Variants in EMID1 observed in about 807,000 individuals in gnomAD.
EMID1 encodes the protein EMI domain containing 1, also known as EMI domain-containing protein 1.
EMID1 carries 40 observed loss-of-function variants against 60.6 expected under a neutral mutation model. That is an observed-to-expected ratio of 0.66 (90% CI 0.51 to 0.86). The LOEUF (loss-of-function observed/expected upper bound fraction) is 0.86, where lower values mean the gene tolerates loss of function less well. EMID1 is among the 40% of genes least tolerant of loss of function. The pLI is 0.00. For synonymous variants in EMID1, 242 were observed against 231.0 expected (o/e 1.05, Z -0.43); for missense variants, 585 against 597.1 (o/e 0.98, Z 0.21).
intron 12 of EMID1, among the ~76,000 whole-genome samples, chr22:29,241,762 GAAAA>G (rs962475330): frequency 5.7e-5 from 8 of 140,546 alleles, no homozygotes; most frequent in Non-Finnish European, 1.2e-4. Flanking sequence ...AATCAAATTT[GAAAA>G]AAAAAAAGGT....
In EMID1 at chr22:29,235,137, C is replaced by T. The variant is rs563590719; in HGVS notation, c.1074+788C>T. On this transcript the variant is annotated intron_variant, in intron 12 of 14. Coordinates refer to ENST00000334018, the MANE Select transcript of EMID1 (RefSeq NM_133455.4). Reference sequence around the variant, plus strand: ...CTGAGACGGGTGGATCACCTGAGGTCAGAAGTTCAAGACCAGCCTGGTCAA... The same window carrying T: ...CTGAGACGGGTGGATCACCTGAGGTTAGAAGTTCAAGACCAGCCTGGTCAA... 4.6e-5 allele frequency among the ~76,000 whole-genome samples: 7 copies of T among 152,202 alleles called. No homozygotes were observed. The East Asian group carries it at 9.7e-4, about 21-fold the overall frequency.
chr22:29,233,624 G>A lies in EMID1; in HGVS notation c.924G>A (p.Gly308=). 6.2e-7 allele frequency: 1 copy of A among 1,613,842 alleles called. No homozygotes were observed. ...PGPPGPMGPP[G]PPGPTGVPGS... The stretch of plus-strand genomic sequence containing the variant: ...CCTGTCTTTTTCCAGGTCCCCCTGG[G>A]CCTCCTGGCCCCACAGGTGTCCCTG... The change falls in exon 10 of 15, where the codon GGG becomes GGA. Residue 308 remains glycine (G), a synonymous_variant. Transcript: ENST00000334018.
chr22:29,217,107 C>T (rs1309994551), intron 3 of EMID1, among the ~76,000 whole-genome samples: 4 of 152,146 alleles, frequency 2.6e-5, no homozygotes, highest in East Asian at 1.9e-4. Context: ...GCATGGGGGC[C>T]GCCTGGGCCC....
At chr22:29,223,685 T>G (rs2040389639) in intron 3 of EMID1, among the ~76,000 whole-genome samples, 1 of 152,186 alleles carries the variant, frequency 6.6e-6, no homozygotes, top group South Asian at 2.1e-4. Flanking sequence ...AGCGGGGAAG[T>G]GGAGCTGAGC....
rs192746529 is a variant in EMID1 at position 29,258,187 on chromosome 22, C to G, written c.1205-630C>G. ...ATTCTTCTGACCTGCCTGGCCTGCT[C>G]ATTTTACTTTGGGAAGGGCTGAGAT... On this transcript the variant is annotated intron_variant, in intron 14 of 14. Coordinates refer to ENST00000334018, the MANE Select transcript of EMID1 (RefSeq NM_133455.4). 4.6e-5 allele frequency among the ~76,000 whole-genome samples: 7 copies of G among 152,314 alleles called. No homozygotes were observed. In the East Asian group the frequency reaches 1.3e-3, roughly 29 times the overall value.
chr22:29,219,574 G>T (rs1181623566), intron 3 of EMID1, among the ~76,000 whole-genome samples: 2 of 151,990 alleles, frequency 1.3e-5, no homozygotes, highest in African/African-American at 4.8e-5. Flanking sequence ...GAGGCCAGAA[G>T]TTCAAGCCTA....
In EMID1 at chr22:29,233,362, C is replaced by G. The variant is rs1237265011; in HGVS notation, c.824-17C>G. The G allele has an allele frequency of 1.2e-6, 2 of 1,613,752 alleles. No homozygotes were observed. The highest frequency in any genetic ancestry group is 3.3e-5 in the Admixed American group (2 of 60,014). ...ACTCTACCCAGCTCTACTCACTCAT[C>G]ATCTTTGCTCACCCAGGAGACCCAT... On this transcript the variant is annotated splice_polypyrimidine_tract_variant and intron_variant, in intron 8 of 14. Coordinates refer to ENST00000334018, the MANE Select transcript of EMID1 (RefSeq NM_133455.4).
chr22:29,231,084 C>T lies in EMID1; in HGVS notation c.530C>T (p.Ala177Val). 2 of 1,613,918 alleles carry T rather than the reference C, an allele frequency of 1.2e-6. No homozygotes were observed. The highest frequency in any genetic ancestry group is 1.7e-4 in the Middle Eastern group (1 of 6,056). ...ACACCAGCTACCCCTGAGGACCCTGCCCCGCTCTGGGGTCCCCCTCCTGCC... is the reference window on the plus strand; with the variant it reads ...ACACCAGCTACCCCTGAGGACCCTGTCCCGCTCTGGGGTCCCCCTCCTGCC... ...PPTPATPEDP[A>V]PLWGPPPAQG... The change falls in exon 6 of 15, where the codon GCC becomes GTC. Residue 177 changes from alanine (A) to valine (V), a missense_variant. Physicochemically the swap from Ala to Val is moderately conservative, Grantham distance 64. Transcript: ENST00000334018.
At chr22:29,223,077 C>A (rs369487112) in intron 3 of EMID1, among the ~76,000 whole-genome samples, 1 of 151,938 alleles carries the variant, frequency 6.6e-6, no homozygotes, top group Admixed American at 6.6e-5. Flanking sequence ...GGTGACAGAG[C>A]GAGACTCCGT....
chr22:29,236,382 A>T (rs1291986815), intron 12 of EMID1, among the ~76,000 whole-genome samples: 3 of 152,048 alleles, frequency 2.0e-5, no homozygotes, highest in Admixed American at 2.0e-4. Flanking sequence ...ACAGAACCAG[A>T]CCTTGCCTCT....
intron 12 of EMID1, among the ~76,000 whole-genome samples, chr22:29,237,598 A>AC (rs1377281808): frequency 2.1e-5 from 3 of 143,368 alleles, no homozygotes; most frequent in Non-Finnish European, 4.5e-5. Flanking sequence ...GGAGATGGAG[A>AC]CCATCCTGGT....
At chr22:29,255,284 A>G (rs754445997) in intron 14 of EMID1, 1 of 1,507,514 alleles carries the variant, frequency 6.6e-7, no homozygotes, top group South Asian at 1.3e-5. Flanking sequence ...CCTAGCTTAC[A>G]GAGCTTCCTG....
intron 3 of EMID1, among the ~76,000 whole-genome samples, chr22:29,224,485 G>A (rs1398177101): frequency 6.6e-6 from 1 of 152,212 alleles, no homozygotes; most frequent in Non-Finnish European, 1.5e-5. Flanking sequence ...CCTCCGGTAG[G>A]GGTGGCAGCA....
intron 13 of EMID1, among the ~76,000 whole-genome samples, chr22:29,244,048 G>A (rs945843979): frequency 3.9e-5 from 6 of 152,142 alleles, no homozygotes; most frequent in Admixed American, 6.5e-5. Flanking sequence ...GAGACGCCTC[G>A]AAACTGCTAT....
chr22:29,254,252 G>A lies in EMID1; in HGVS notation c.1169G>A (p.Arg390Lys). Residue 390 changes from arginine to lysine, a missense_variant, in exon 14 of 15, where the codon AGG (arginine) becomes AAG (lysine). Coordinates refer to ENST00000334018, the MANE Select transcript of EMID1 (RefSeq NM_133455.4). ...GAGGCTTTGAAGATTTTAGCTGAGA[G>A]GGTTTTAATCTTGGAAACAATGATT... ...LREALKILAE[R>K]VLILETMIGL... The A allele has an allele frequency of 3.1e-6, 5 of 1,614,186 alleles. No individual in the cohort carries two copies. Among genetic ancestry groups the A allele is most frequent in the Non-Finnish European group, 3.4e-6 (4 of 1,180,004 alleles).
chr22:29,207,629 G>T (rs2039723223), intron 1 of EMID1, among the ~76,000 whole-genome samples: 1 of 152,210 alleles, frequency 6.6e-6, no homozygotes, highest in Non-Finnish European at 1.5e-5. Context: ...GGAACAGGAT[G>T]ATGGCTATAA....
chr22:29,218,172 G>A (rs1011996748), intron 3 of EMID1, among the ~76,000 whole-genome samples: 1 of 152,166 alleles, frequency 6.6e-6, no homozygotes, highest in Non-Finnish European at 1.5e-5. Context: ...CTCCCCCACC[G>A]CCTACCCCAT....
intron 3 of EMID1, among the ~76,000 whole-genome samples, chr22:29,217,294 G>A (rs1218609365): frequency 1.3e-5 from 2 of 152,252 alleles, no homozygotes; most frequent in African/African-American, 4.8e-5. Flanking sequence ...GCCAAGGGCT[G>A]GGGGCTCTGC....
chr22:29,226,979 C>CTTACTCT (rs2040538472), intron 5 of EMID1, among the ~76,000 whole-genome samples: 1 of 152,034 alleles, frequency 6.6e-6, no homozygotes, highest in South Asian at 2.1e-4. Flanking sequence ...GCCCCTGCCC[C>CTTACTCT]ATCCCCTTTC....
Sources: allele counts gnomAD v4.1 joint callset (sites outside exome capture counted in the v4.1 genomes callset), GRCh38; gene constraint gnomAD v4.1.1; transcripts MANE v1.5; gene names NCBI Gene and HGNC (gene_info 2026-07-23, HGNC 2026-07-21).